Variants in ZFHX3 observed in about 807,000 individuals in gnomAD.
ZFHX3 encodes zinc finger homeobox protein 3.
A neutral mutation model predicts 279.1 loss-of-function variants in ZFHX3; 42 were observed. The ratio of observed to expected loss-of-function variants is 0.15; its 90% CI spans 0.12 to 0.19. The LOEUF is 0.19. ZFHX3 is among the 10% of genes least tolerant of loss of function. ZFHX3 has a pLI of 1.00. For missense variants in ZFHX3, 4,981 were observed against 4,754.0 expected, an observed-to-expected ratio of 1.05 and a Z score of -1.40; for synonymous variants, 2,293 against 1,957.8, an observed-to-expected ratio of 1.17 and a Z score of -4.52.
chr16:72,987,441 C>T (rs377372168), intron 1 of ZFHX3, among the ~76,000 whole-genome samples: 1 of 152,154 alleles, frequency 6.6e-6, no homozygotes, highest in African/African-American at 2.4e-5. Flanking sequence ...TCCTGGTCTC[C>T]GTTGCCACTG....
intron 1 of ZFHX3, among the ~76,000 whole-genome samples, chr16:73,850,774 G>A (rs953251186): frequency 2.0e-5 from 3 of 150,670 alleles, no homozygotes; most frequent in Non-Finnish European, 2.9e-5. Context: ...AGCTCTCTTC[G>A]CCCAAAGCCA....
At chr16:72,980,708 C>T (rs928777668) in intron 1 of ZFHX3, among the ~76,000 whole-genome samples, 3 of 151,968 alleles carry the variant, frequency 2.0e-5, no homozygotes, top group African/African-American at 7.3e-5. Flanking sequence ...GAGCTGTGAT[C>T]GCACCACTGT....
At chr16:72,938,107 G>A (rs1176638295) in intron 3 of ZFHX3, among the ~76,000 whole-genome samples, 1 of 152,244 alleles carries the variant, frequency 6.6e-6, no homozygotes, top group Non-Finnish European at 1.5e-5. Context: ...CCAGCGTGGT[G>A]CCAAACAGTG....
chr16:73,321,478 A>G (rs4888559), intron 3 of ZFHX3, among the ~76,000 whole-genome samples: 61,106 of 151,744 alleles, frequency 0.4, 14,084 homozygotes, highest in Non-Finnish European at 0.53. Context: ...ATGAATTATT[A>G]TTATTCCCTT....
At chr16:73,657,915 G>T (rs2052738968) in intron 2 of ZFHX3, among the ~76,000 whole-genome samples, 1 of 152,174 alleles carries the variant, frequency 6.6e-6, no homozygotes, top group South Asian at 2.1e-4. Flanking sequence ...GAAGATTTGT[G>T]TACCAGTTTT....
chr16:73,689,855 C>T (rs1467644668), intron 1 of ZFHX3, among the ~76,000 whole-genome samples: 5 of 149,184 alleles, frequency 3.4e-5, no homozygotes, highest in Non-Finnish European at 7.4e-5. Context: ...GATGGAGTCT[C>T]GCTCTGTCGC....
intron 2 of ZFHX3, among the ~76,000 whole-genome samples, chr16:73,674,830 G>A (rs1229043897): frequency 6.6e-6 from 1 of 152,112 alleles, no homozygotes; most frequent in Non-Finnish European, 1.5e-5. Context: ...GAAAAAAACA[G>A]CCCCAGTTGA....
chr16:73,831,047 T>G (rs952460481), intron 1 of ZFHX3, among the ~76,000 whole-genome samples: 1 of 152,178 alleles, frequency 6.6e-6, no homozygotes, highest in African/African-American at 2.4e-5. Context: ...CTCTTCCCCT[T>G]TAGACACATT....
At chr16:73,049,212 C>G (rs1166371839), upstream of ZFHX3, among the ~76,000 whole-genome samples, 1 of 152,198 alleles carries the variant, frequency 6.6e-6, no homozygotes, top group African/African-American at 2.4e-5. Flanking sequence ...CTGTCAGAAT[C>G]CCACCCTCAG....
At position 72,788,855 on chromosome 16, in the gene ZFHX3, G is replaced by A. The variant is rs1401003882; in HGVS notation, c.9428-7C>T. ...GGCTTAGGAGACGTTAAAGCTGAAA[G>A]GAATGGAGACAGAAATCACCGGTCA... On this transcript the variant is annotated splice_polypyrimidine_tract_variant and splice_region_variant and intron_variant, in intron 9 of 9. Transcript: ENST00000268489. 1 of 1,517,118 alleles carries A rather than the reference G, an allele frequency of 6.6e-7. No individual in the cohort carries two copies. The highest frequency in any genetic ancestry group is 8.8e-7 in the Non-Finnish European group (1 of 1,134,830). The allele number at this position is 1,517,118 out of a possible 1,614,324, so 94.0% of individuals were successfully genotyped here.
intron 1 of ZFHX3, among the ~76,000 whole-genome samples, chr16:73,041,945 T>G (rs1307427922): frequency 6.6e-6 from 1 of 151,892 alleles, no homozygotes; most frequent in African/African-American, 2.4e-5. Flanking sequence ...AAAAGAGAAG[T>G]TGGGAGATGG....
At chr16:72,930,686 T>G (rs950441800) in intron 3 of ZFHX3, among the ~76,000 whole-genome samples, 1 of 152,186 alleles carries the variant, frequency 6.6e-6, no homozygotes, top group African/African-American at 2.4e-5. Context: ...AGATCAGAAC[T>G]GATACATTTA....
chr16:73,242,955 G>A (rs2013169121), intron 5 of ZFHX3, among the ~76,000 whole-genome samples: 1 of 152,198 alleles, frequency 6.6e-6, no homozygotes, highest in Non-Finnish European at 1.5e-5. Flanking sequence ...GTTATAACCA[G>A]AAGGACGTGG....
rs147236700 is a variant in ZFHX3, at chr16:72,796,679, A to G, written c.6003T>C (p.His2001=). The part of the protein sequence containing the change: ...LFSNILILKS[H]QEHVHQNYFP... ...AGTAATTCTGATGAACGTGCTCTTG[A>G]TGACTCTTTAAAATCAAGATGTTGG... The change falls in exon 9 of 10, where the codon CAT becomes CAC. Residue 2001 remains histidine, a synonymous_variant. Coordinates refer to ENST00000268489, the MANE Select transcript of ZFHX3 (RefSeq NM_006885.4). 13 of 1,613,840 alleles carry G rather than the reference A, an allele frequency of 8.1e-6. No individual in the cohort carries two copies. Among genetic ancestry groups the G allele is most frequent in the East Asian group, 4.5e-5 (2 of 44,850 alleles).
At chr16:73,428,093 G>T (rs115140412) in intron 3 of ZFHX3, among the ~76,000 whole-genome samples, 1 of 152,158 alleles carries the variant, frequency 6.6e-6, no homozygotes, top group African/African-American at 2.4e-5. Flanking sequence ...GGGTCCCTTT[G>T]CCAGGAATGA....
intron 3 of ZFHX3, among the ~76,000 whole-genome samples, chr16:72,918,050 G>C (rs545271159): frequency 1.3e-5 from 2 of 152,202 alleles, no homozygotes; most frequent in Non-Finnish European, 2.9e-5. Flanking sequence ...TCAGTTCCAT[G>C]AGGGCTTGAG....
intron 4 of ZFHX3, among the ~76,000 whole-genome samples, chr16:72,862,156 C>T (rs1418928123): frequency 6.6e-6 from 1 of 152,188 alleles, no homozygotes; most frequent in East Asian, 1.9e-4. Context: ...TCATGTTAGG[C>T]CACTGCTGAA....
chr16:72,831,143 C>A lies in ZFHX3; in HGVS notation c.3449-1284G>T, dbSNP rs188708983. ...GCCTTCTGACTGTCTAGAAAACAGCCTCTAAATGTATCTCACGAAGGAAGT... is the reference window on the plus strand; with the variant it reads ...GCCTTCTGACTGTCTAGAAAACAGCATCTAAATGTATCTCACGAAGGAAGT... On this transcript the variant is annotated intron_variant, in intron 4 of 9. Transcript: ENST00000268489. 4.3e-4 allele frequency among the ~76,000 whole-genome samples: 66 copies of A among 152,240 alleles called. No individual in the cohort carries two copies. In the South Asian group the frequency reaches 6.5e-3, roughly 15 times the overall value.
chr16:73,659,116 C>T (rs755038834), intron 2 of ZFHX3, among the ~76,000 whole-genome samples: 4 of 152,038 alleles, frequency 2.6e-5, no homozygotes, highest in Admixed American at 6.5e-5. Flanking sequence ...GAAAATCTAC[C>T]GAAATATATA....
Sources: gnomAD v4.1 joint callset for allele counts (sites outside exome capture counted in the v4.1 genomes callset) on GRCh38, gnomAD v4.1.1 for gene constraint, MANE v1.5 for transcripts, NCBI Gene and HGNC (gene_info 2026-07-23, HGNC 2026-07-21) for gene names.